Variants in NARS2 observed in about 807,000 individuals in gnomAD.
NARS2 encodes the protein asparaginyl-tRNA synthetase 2, mitochondrial, also known as asparaginyl-tRNA synthetase.
Under a neutral mutation model 62.9 loss-of-function variants are expected in NARS2, and 60 were observed. The observed-to-expected ratio is 0.95, with a 90% CI of 0.77 to 1.18. The LOEUF (loss-of-function observed/expected upper bound fraction) is 1.18, where lower values mean the gene tolerates loss of function less well. Among genes scored for constraint, NARS2 ranks in the 50% most tolerant of loss-of-function variants. The pLI, the probability that NARS2 is intolerant of heterozygous loss-of-function variation, is 0.00. For missense variants in NARS2, 619 were observed against 576.4 expected, an observed-to-expected ratio of 1.07 and a Z score of -0.76; for synonymous variants, 196 against 200.0, an observed-to-expected ratio of 0.98 and a Z score of 0.17.
intron 6 of NARS2, among the ~76,000 whole-genome samples, chr11:78,513,707 G>A (rs1358591193): frequency 2.6e-5 from 4 of 152,168 alleles, no homozygotes; most frequent in Non-Finnish European, 5.9e-5. Flanking sequence ...GAACCTGGGA[G>A]GCAGTTATAA....
At chr11:78,450,788 C>T (rs965229740) in intron 11 of NARS2, among the ~76,000 whole-genome samples, 3 of 151,620 alleles carry the variant, frequency 2.0e-5, no homozygotes, top group East Asian at 1.9e-4. Context: ...GATTCTCCTG[C>T]CTCAGCCTCC....
intron 6 of NARS2, among the ~76,000 whole-genome samples, 198 bp downstream of exon 6, chr11:78,528,644 C>T (rs77196168): frequency 1.3e-5 from 2 of 152,030 alleles, no homozygotes; most frequent in East Asian, 3.9e-4. Flanking sequence ...AAAAAAATGA[C>T]AACTTTGTAT....
chr11:78,551,634 T>G, intron 5 of NARS2, among the ~76,000 whole-genome samples: 1 of 152,200 alleles, frequency 6.6e-6, no homozygotes, highest in East Asian at 1.9e-4. Context: ...ACGGATCACC[T>G]GAGGTCAGGA....
rs766606763 is a variant in NARS2, at chr11:78,574,343, C to G, written c.141+5G>C. On this transcript the variant is annotated splice_donor_5th_base_variant and intron_variant, in intron 1 of 13. Coordinates refer to ENST00000281038, the MANE Select transcript of NARS2 (RefSeq NM_024678.6). ...AAAAAACCCACTCCCTTCCCATTCA[C>G]CAACCTGGATCTTAATGCGCTCCCC... 6 of 1,614,252 alleles carry G rather than the reference C, an allele frequency of 3.7e-6. No homozygotes were observed. The South Asian group carries it at 6.6e-5, about 18-fold the overall frequency.
At chr11:78,499,175 C>G (rs1860188851) in intron 6 of NARS2, among the ~76,000 whole-genome samples, 2 of 152,114 alleles carry the variant, frequency 1.3e-5, no homozygotes, top group Non-Finnish European at 2.9e-5. Context: ...CTCGGCCTCC[C>G]AAAGTGCTGG....
chr11:78,497,930 T>C (rs1590778118), intron 6 of NARS2, among the ~76,000 whole-genome samples: 1 of 152,204 alleles, frequency 6.6e-6, no homozygotes, highest in African/African-American at 2.4e-5. Context: ...ATGTTCTTAA[T>C]ATTTTTTTTG....
intron 6 of NARS2, among the ~76,000 whole-genome samples, chr11:78,515,024 G>A (rs912348117): frequency 6.6e-6 from 1 of 152,092 alleles, no homozygotes; most frequent in Non-Finnish European, 1.5e-5. Context: ...ACAAGAGGTC[G>A]CGACAAATTA....
intron 4 of NARS2, among the ~76,000 whole-genome samples, chr11:78,563,851 A>AAAAAAAAT (rs1404770578): frequency 2.9e-5 from 1 of 34,026 alleles, no homozygotes; most frequent in African/African-American, 9.4e-5. Context: ...AAAAAAAAAA[A>AAAAAAAAT]ATATATATAT....
chr11:78,513,784 C>G (rs1392392997), intron 6 of NARS2, among the ~76,000 whole-genome samples: 1 of 152,076 alleles, frequency 6.6e-6, no homozygotes, highest in Non-Finnish European at 1.5e-5. Context: ...GTTGGGCTAC[C>G]TGTCTCTGCC....
At position 78,493,072 on chromosome 11, in the gene NARS2, A is replaced by C; in HGVS notation, c.813T>G (p.Asp271Glu). 6.2e-7 allele frequency: 1 copy of C among 1,612,200 alleles called. No homozygotes were observed. Among genetic ancestry groups the C allele is most frequent in the Non-Finnish European group, 8.5e-7 (1 of 1,179,290 alleles). Residue 271 changes from aspartate (D) to glutamate (E), a missense_variant, in exon 7 of 14, where the codon GAT becomes GAG. Transcript: ENST00000281038. ...AEISFVDSLQ[D>E]LMQVIEELFK... The stretch of plus-strand genomic sequence containing the variant: ...AAACTTGTGTACCTACCTGCATAAG[A>C]TCTTGAAGGCTGTCAACAAAAGAAA...
At chr11:78,501,432 A>C (rs1471837013) in intron 6 of NARS2, among the ~76,000 whole-genome samples, 1 of 152,232 alleles carries the variant, frequency 6.6e-6, no homozygotes, top group East Asian at 1.9e-4. Flanking sequence ...GAGGATGTGA[A>C]GCCCCAGAGA....
chr11:78,475,425 G>A (rs1271343631), intron 9 of NARS2, among the ~76,000 whole-genome samples: 2 of 152,090 alleles, frequency 1.3e-5, no homozygotes, highest in African/African-American at 4.8e-5. Flanking sequence ...GTACCCAGAG[G>A]TAGGATGGCT....
At chr11:78,457,101 G>A (rs1858193805) in intron 11 of NARS2, among the ~76,000 whole-genome samples, 1 of 152,144 alleles carries the variant, frequency 6.6e-6, no homozygotes, top group African/African-American at 2.4e-5. Context: ...TAACTAGTAA[G>A]GTATCTAGAT....
intron 11 of NARS2, among the ~76,000 whole-genome samples, chr11:78,452,647 G>T (rs73504928): frequency 2.2e-4 from 34 of 151,984 alleles, no homozygotes; most frequent in Admixed American, 2.2e-3. Flanking sequence ...TGGCTCAAGC[G>T]ATCTTCCTGC....
At chr11:78,533,589 G>A (rs1423682752) in intron 5 of NARS2, among the ~76,000 whole-genome samples, 2 of 152,168 alleles carry the variant, frequency 1.3e-5, no homozygotes, top group African/African-American at 2.4e-5. Context: ...AAGACTTTAT[G>A]AGCACAAGAA....
intron 7 of NARS2, among the ~76,000 whole-genome samples, chr11:78,482,193 C>G (rs1001653878): frequency 6.6e-6 from 1 of 152,038 alleles, no homozygotes; most frequent in Non-Finnish European, 1.5e-5. Context: ...TTGACTACAA[C>G]CTATCTCTCT....
chr11:78,567,261 A>G (rs1465342662), intron 3 of NARS2, among the ~76,000 whole-genome samples: 2 of 152,148 alleles, frequency 1.3e-5, no homozygotes, highest in Non-Finnish European at 2.9e-5. Context: ...CCATATAAAC[A>G]TTATGTTTTT....
chr11:78,534,929 G>A (rs1237717582), intron 5 of NARS2, among the ~76,000 whole-genome samples: 4 of 152,158 alleles, frequency 2.6e-5, no homozygotes, highest in African/African-American at 9.7e-5. Context: ...AGCAATAAAA[G>A]AAATGTTTGA....
chr11:78,551,041 T>G (rs1353588803), intron 5 of NARS2, among the ~76,000 whole-genome samples: 2 of 152,128 alleles, frequency 1.3e-5, no homozygotes, highest in African/African-American at 2.4e-5. Flanking sequence ...GAAAGCAGAT[T>G]TGTGGTTACC....
Sources: allele counts gnomAD v4.1 joint callset (sites outside exome capture counted in the v4.1 genomes callset), GRCh38; gene constraint gnomAD v4.1.1; transcripts MANE v1.5; gene names NCBI Gene and HGNC (gene_info 2026-07-23, HGNC 2026-07-21).